Variants in ERBB4 observed in about 807,000 individuals in gnomAD.
ERBB4 encodes the protein erb-b2 receptor tyrosine kinase 4.
ERBB4 carries 42 observed loss-of-function variants against 158.0 expected under a neutral mutation model. The ratio of observed to expected loss-of-function variants is 0.27; its 90% CI spans 0.21 to 0.34. The LOEUF (loss-of-function observed/expected upper bound fraction) is 0.34. Among genes scored for constraint, ERBB4 ranks in the 10% least tolerant of loss-of-function variants. The probability of loss-of-function intolerance (pLI) is 1.00; values close to 1 mark genes in which losing one functional copy is unlikely to be tolerated. For synonymous variants in ERBB4, 583 were observed against 558.7 expected, an observed-to-expected ratio of 1.04 and a Z score of -0.61; for missense variants, 1,333 against 1,624.1, an observed-to-expected ratio of 0.82 and a Z score of 3.08.
intron 25 of ERBB4, among the ~76,000 whole-genome samples, chr2:211,388,619 T>C (rs1322934170): frequency 6.6e-6 from 1 of 152,004 alleles, no homozygotes; most frequent in African/African-American, 2.4e-5. Flanking sequence ...GGAAAATCAA[T>C]TCCTTTCCTG....
intron 1 of ERBB4, among the ~76,000 whole-genome samples, chr2:212,477,314 T>A (rs1296538545): frequency 6.6e-6 from 1 of 152,158 alleles, no homozygotes; most frequent in Non-Finnish European, 1.5e-5. Context: ...CTTCCTATAC[T>A]TCTGCCACTT....
At chr2:211,413,305 T>TA (rs768289370) in intron 25 of ERBB4, among the ~76,000 whole-genome samples, 1,219 of 56,850 alleles carry the variant, frequency 0.021, 136 homozygotes, top group African/African-American at 0.086. Context: ...GACCCTGTCT[T>TA]AAAAACACAC....
At chr2:211,948,360 C>G (rs2080763619) in intron 2 of ERBB4, among the ~76,000 whole-genome samples, 1 of 145,034 alleles carries the variant, frequency 6.9e-6, no homozygotes, top group Admixed American at 7.2e-5. Context: ...CACTTGAACC[C>G]AGGAGGCGGA....
chr2:211,665,764 A>G (rs938539914), intron 14 of ERBB4, among the ~76,000 whole-genome samples: 1 of 152,210 alleles, frequency 6.6e-6, no homozygotes, highest in African/African-American at 2.4e-5. Flanking sequence ...TCCTGGGCCA[A>G]CTGATTTCCA....
At chr2:212,457,970 ATTAT>A (rs1560380004) in intron 1 of ERBB4, among the ~76,000 whole-genome samples, 3 of 152,020 alleles carry the variant, frequency 2.0e-5, no homozygotes, top group Admixed American at 6.6e-5. Flanking sequence ...CAGATTTAAT[ATTAT>A]TTATGATACA....
chr2:211,883,247 T>A (rs982613858), intron 3 of ERBB4, among the ~76,000 whole-genome samples: 1 of 151,910 alleles, frequency 6.6e-6, no homozygotes, highest in Non-Finnish European at 1.5e-5. Flanking sequence ...AACTGAACAA[T>A]GAGAACACAT....
At chr2:212,121,013 T>A (rs1422469692) in intron 2 of ERBB4, among the ~76,000 whole-genome samples, 2 of 152,192 alleles carry the variant, frequency 1.3e-5, no homozygotes, top group Non-Finnish European at 2.9e-5. Context: ...TAAGCCATAA[T>A]GTGGTTTTAG....
At chr2:212,374,021 C>T (rs564853227) in intron 1 of ERBB4, among the ~76,000 whole-genome samples, 15 of 77,552 alleles carry the variant, frequency 1.9e-4, no homozygotes, top group African/African-American at 5.4e-4. Context: ...CATATATATC[C>T]ATATATATAT....
intron 3 of ERBB4, among the ~76,000 whole-genome samples, chr2:211,944,999 TAATAG>T (rs1288129076): frequency 6.6e-6 from 1 of 152,144 alleles, no homozygotes; most frequent in African/African-American, 2.4e-5. Context: ...GCTCTGCACT[TAATAG>T]AATATAAAAA....
At chr2:212,111,325 G>C (rs572681815) in intron 2 of ERBB4, among the ~76,000 whole-genome samples, 1 of 152,182 alleles carries the variant, frequency 6.6e-6, no homozygotes, top group South Asian at 2.1e-4. Context: ...TAATTCCTTG[G>C]AGTTTGAAAT....
intron 1 of ERBB4, among the ~76,000 whole-genome samples, chr2:212,496,408 A>G (rs1039703582): frequency 2.0e-5 from 3 of 152,162 alleles, no homozygotes; most frequent in Middle Eastern, 3.2e-3. Flanking sequence ...AATGGATCAC[A>G]CCATTACTTG....
chr2:212,164,740 GT>G lies in ERBB4; in HGVS notation c.83-39838del, dbSNP rs2081298339. 4.6e-5 allele frequency among the ~76,000 whole-genome samples: 7 copies of G among 151,684 alleles called. No homozygotes were observed. In the South Asian group the frequency reaches 1.5e-3, roughly 32 times the overall value. ...ACAATTTGAAAAATATTGAAAAATGGTTTTCTGCCTATTTTCAACCTCTTGT... is the reference window on the plus strand; with the variant it reads ...ACAATTTGAAAAATATTGAAAAATGGTTTCTGCCTATTTTCAACCTCTTGT... On this transcript the variant is annotated intron_variant, in intron 1 of 27. Coordinates refer to ENST00000342788, the MANE Select transcript of ERBB4 (RefSeq NM_005235.3).
chr2:212,082,381 CA>C (rs1371369265), intron 2 of ERBB4, among the ~76,000 whole-genome samples: 1 of 151,798 alleles, frequency 6.6e-6, no homozygotes, highest in Non-Finnish European at 1.5e-5. Flanking sequence ...CAATATTGTT[CA>C]AATGATGTTA....
intron 1 of ERBB4, among the ~76,000 whole-genome samples, chr2:212,291,733 C>G (rs1381729643): frequency 6.6e-6 from 1 of 151,930 alleles, no homozygotes; most frequent in Non-Finnish European, 1.5e-5. Flanking sequence ...ATATTTATAA[C>G]CATATACTAA....
intron 1 of ERBB4, among the ~76,000 whole-genome samples, chr2:212,134,357 A>T (rs1189788281): frequency 6.6e-6 from 1 of 152,108 alleles, no homozygotes; most frequent in African/African-American, 2.4e-5. Flanking sequence ...AATATAAAAA[A>T]TTTGTATCAA....
chr2:211,514,456 G>GA (rs1292874783), intron 20 of ERBB4, among the ~76,000 whole-genome samples: 2 of 151,940 alleles, frequency 1.3e-5, no homozygotes, highest in African/African-American at 4.8e-5. Flanking sequence ...CACATAACAA[G>GA]AAAAATGTTT....
chr2:212,198,995 T>C (rs754486396), intron 1 of ERBB4, among the ~76,000 whole-genome samples: 2 of 152,056 alleles, frequency 1.3e-5, no homozygotes, highest in South Asian at 2.1e-4. Context: ...TCTGTTCGAG[T>C]CTCCACTTTC....
At chr2:211,484,679 A>G (rs1244645832) in intron 20 of ERBB4, among the ~76,000 whole-genome samples, 1 of 152,232 alleles carries the variant, frequency 6.6e-6, no homozygotes, top group Non-Finnish European at 1.5e-5. Context: ...AAATATTTAT[A>G]TAAGCAATAA....
chr2:211,770,994 A>G (rs10432526), intron 4 of ERBB4, among the ~76,000 whole-genome samples: 21,310 of 152,206 alleles, frequency 0.14, 1,706 homozygotes, highest in East Asian at 0.32. Context: ...GTTCTATGCC[A>G]ATTTCAAACT....
Sources: gnomAD v4.1 joint callset for allele counts (sites outside exome capture counted in the v4.1 genomes callset) on GRCh38, gnomAD v4.1.1 for gene constraint, MANE v1.5 for transcripts, NCBI Gene and HGNC (gene_info 2026-07-23, HGNC 2026-07-21) for gene names.